The following HYCC1 variants were observed in gnomAD, a reference collection of about 807,000 sequenced individuals.
HYCC1 encodes hyccin.
the HYCC1 span, among the ~76,000 whole-genome samples, chr7:22,960,736 T>C: frequency 1.3e-5 from 2 of 152,212 alleles, no homozygotes; most frequent in Non-Finnish European, 2.9e-5. Flanking sequence ...GTTAGGTGTC[T>C]AGGAAGTCAG....
At chr7:22,899,548 T>C in the HYCC1 span, among the ~76,000 whole-genome samples, 2 of 152,214 alleles carry the variant, frequency 1.3e-5, no homozygotes, top group Non-Finnish European at 2.9e-5. Flanking sequence ...AATTCAATCA[T>C]CAGTAATGAG....
the HYCC1 span, among the ~76,000 whole-genome samples, chr7:22,905,841 C>CA: frequency 1.3e-5 from 2 of 152,084 alleles, no homozygotes. Context: ...AATCTATTTA[C>CA]AGGAGGATAC....
chr7:22,980,534 GCA>G, the HYCC1 span, among the ~76,000 whole-genome samples: 1 of 152,032 alleles, frequency 6.6e-6, no homozygotes, highest in Non-Finnish European at 1.5e-5. Flanking sequence ...GTGGTAACAG[GCA>G]CATGACTCAA....
the HYCC1 span, chr7:23,014,070 C>G: frequency 8.5e-6 from 4 of 470,754 alleles, no homozygotes; most frequent in South Asian, 4.6e-5. Context: ...GAGCCATCTT[C>G]CCCCTCCTCT....
the HYCC1 span, among the ~76,000 whole-genome samples, chr7:22,953,217 T>C: frequency 8.6e-5 from 13 of 151,992 alleles, no homozygotes; most frequent in African/African-American, 2.4e-4. Context: ...CAGATCCTCA[T>C]GACCACGTAG....
chr7:22,930,860 A>G, the HYCC1 span, among the ~76,000 whole-genome samples: 3 of 152,176 alleles, frequency 2.0e-5, no homozygotes, highest in African/African-American at 7.2e-5. Flanking sequence ...GCTACCCCAT[A>G]TTAATAGAAT....
chr7:22,928,648 C>T, the HYCC1 span, among the ~76,000 whole-genome samples: 1 of 152,028 alleles, frequency 6.6e-6, no homozygotes, highest in Non-Finnish European at 1.5e-5. Context: ...AGGACCTCTT[C>T]AAGGAGAACT....
the HYCC1 span, among the ~76,000 whole-genome samples, chr7:22,990,302 G>A: frequency 1.2e-4 from 19 of 152,088 alleles, no homozygotes; most frequent in African/African-American, 4.6e-4. Flanking sequence ...CTTTGGTTTG[G>A]TGAGATGGTC....
At chr7:22,989,902 T>C in the HYCC1 span, among the ~76,000 whole-genome samples, 1 of 152,212 alleles carries the variant, frequency 6.6e-6, no homozygotes, top group Non-Finnish European at 1.5e-5. Context: ...ATCTCCTTCT[T>C]TGAGTGACTA....
At chr7:22,978,150 T>C in the HYCC1 span, 1 of 878,004 alleles carries the variant, frequency 1.1e-6, no homozygotes, top group Admixed American at 2.0e-5. Context: ...AAGAATGGGC[T>C]ATGAGTCATT....
At chr7:22,966,205 G>C in the HYCC1 span, among the ~76,000 whole-genome samples, 3 of 152,196 alleles carry the variant, frequency 2.0e-5, no homozygotes, top group Non-Finnish European at 4.4e-5. Flanking sequence ...TCTCTGATCT[G>C]TGGGATTATA....
the HYCC1 span, among the ~76,000 whole-genome samples, chr7:22,925,850 C>T: frequency 5.6e-4 from 85 of 152,120 alleles, no homozygotes; most frequent in African/African-American, 2.0e-3. Context: ...AGATACTCCT[C>T]GAGAAGAACA....
the HYCC1 span, among the ~76,000 whole-genome samples, chr7:22,955,763 C>T: frequency 2.6e-5 from 4 of 151,656 alleles, no homozygotes; most frequent in African/African-American, 9.6e-5. Context: ...AAATTGTATA[C>T]TAGAATACTG....
At chr7:22,907,211 G>C in the HYCC1 span, among the ~76,000 whole-genome samples, 1 of 151,610 alleles carries the variant, frequency 6.6e-6, no homozygotes, top group Admixed American at 6.6e-5. Context: ...CGGTATCTAG[G>C]AGTGGTGTGA....
the HYCC1 span, chr7:22,934,369 C>CT: frequency 9.2e-5 from 14 of 152,146 alleles, no homozygotes; most frequent in East Asian, 2.7e-3. Flanking sequence ...AGGCCCTGTT[C>CT]TTTTTGTTTC....
chr7:22,945,731 C>A, the HYCC1 span: 9 of 1,613,644 alleles, frequency 5.6e-6, no homozygotes, highest in Middle Eastern at 1.6e-4. Context: ...GGCATCTGTC[C>A]CAGCCCCACA....
chr7:22,970,142 C>T, the HYCC1 span, among the ~76,000 whole-genome samples: 11 of 152,088 alleles, frequency 7.2e-5, no homozygotes, highest in African/African-American at 2.7e-4. Context: ...AAATAAAATT[C>T]CAGGTTCTCT....
At chr7:22,946,056 T>C in the HYCC1 span, 8 of 1,613,626 alleles carry the variant, frequency 5.0e-6, no homozygotes, top group South Asian at 1.1e-5. Context: ...TTGTGACTAC[T>C]GTTTGATAAA....
the HYCC1 span, among the ~76,000 whole-genome samples, chr7:22,994,065 C>A: frequency 3.9e-5 from 6 of 152,138 alleles, no homozygotes; most frequent in African/African-American, 1.4e-4. Flanking sequence ...ACTGTAGCCT[C>A]AAATTCCTGG....
Sources: allele counts gnomAD v4.1 joint callset (sites outside exome capture counted in the v4.1 genomes callset), GRCh38; gene constraint gnomAD v4.1.1; transcripts MANE v1.5; gene names NCBI Gene and HGNC (gene_info 2026-07-23, HGNC 2026-07-21).